The following CEP128 variants were observed in gnomAD, a reference collection of about 807,000 sequenced individuals.
CEP128 encodes the protein centrosomal protein 128.
Under a neutral mutation model 156.7 loss-of-function variants are expected in CEP128, and 132 were observed. That is an observed-to-expected ratio of 0.84 (90% CI 0.73 to 0.97). The LOEUF (loss-of-function observed/expected upper bound fraction) is 0.97, where lower values mean the gene tolerates loss of function less well. Ranked by LOEUF, CEP128 falls within the 50% of genes least tolerant of loss-of-function variation. The probability of loss-of-function intolerance (pLI) is 0.00; values close to 1 mark genes in which losing one functional copy is unlikely to be tolerated. For missense variants in CEP128, 1,252 were observed against 1,281.9 expected, an observed-to-expected ratio of 0.98 and a Z score of 0.36; for synonymous variants, 469 against 448.9, an observed-to-expected ratio of 1.04 and a Z score of -0.57.
At chr14:80,501,009 A>G (rs944369659) in intron 24 of CEP128, among the ~76,000 whole-genome samples, 25 of 149,058 alleles carry the variant, frequency 1.7e-4, no homozygotes, top group African/African-American at 6.1e-4. Flanking sequence ...GCTCAGTTAG[A>G]TCTGCCATAT....
chr14:80,942,895 T>G (rs1886226431), upstream of CEP128, among the ~76,000 whole-genome samples: 1 of 152,172 alleles, frequency 6.6e-6, no homozygotes. Context: ...AGTCGTATTA[T>G]TCAAATTTTT....
At position 80,647,088 on chromosome 14, in the gene CEP128, C is replaced by T. The variant is rs867296120; in HGVS notation, c.2807-66665G>A. On this transcript the variant is annotated intron_variant, in intron 19 of 24. Transcript: ENST00000555265. ...ATATATATATATATATATATATATA[C>T]ACCCTTATAAATACACATACACACA... Among the ~76,000 whole-genome samples the T allele has an allele frequency of 3.1e-4, 30 of 98,208 alleles. 1 individual carries two copies. The highest frequency in any genetic ancestry group is 0.011 in the Middle Eastern group (2 of 180). 64.4% of individuals were successfully genotyped at this position (98,208 alleles called of 152,430 possible). A position where few individuals can be genotyped will look rare whatever the true frequency, so the allele number is the denominator to read the frequency against.
Position 80,567,939 on chromosome 14 carries a change from T to C in CEP128, c.2857-8637A>G. On this transcript the variant is annotated intron_variant, in intron 20 of 24. Transcript: ENST00000555265. ...AGCACACCATATATTTTTCAAGGAT[T>C]TACATTTAAAAAAAAAAAAGTACAC... 1.3e-5 allele frequency among the ~76,000 whole-genome samples: 2 copies of C among 151,170 alleles called. 1 individual carries two copies. The highest frequency in any genetic ancestry group is 1.3e-4 in the Admixed American group (2 of 15,180).
rs1004313134 is a variant in CEP128, at chr14:80,562,162, G to A, written c.2857-2860C>T. ...AGGATGGTCTCGATCTCCTGACCTC[G>A]TGATCCACCCGTCTCAGCCTCCCAA... On this transcript the variant is annotated intron_variant, in intron 20 of 24. Transcript: ENST00000555265. Among the ~76,000 whole-genome samples, 6 of 151,848 alleles carry A rather than the reference G, an allele frequency of 4.0e-5. No homozygotes were observed. The South Asian group carries it at 1.0e-3, about 26-fold the overall frequency.
intron 8 of CEP128, among the ~76,000 whole-genome samples, chr14:80,869,976 T>C (rs1887947867): frequency 6.6e-6 from 1 of 152,020 alleles, no homozygotes; most frequent in African/African-American, 2.4e-5. Context: ...AACAATTTTA[T>C]GCCAACAAAT....
intron 23 of CEP128, among the ~76,000 whole-genome samples, chr14:80,522,267 TG>T (rs1888778850): frequency 6.6e-6 from 1 of 152,214 alleles, no homozygotes; most frequent in African/African-American, 2.4e-5. Context: ...ATAGCTGACT[TG>T]AACAGCCATT....
chr14:80,521,345 G>C (rs955896916), intron 23 of CEP128, among the ~76,000 whole-genome samples: 6 of 152,042 alleles, frequency 3.9e-5, no homozygotes, highest in Admixed American at 6.6e-5. Flanking sequence ...ATTTGGAAGG[G>C]TAAAAGCATG....
At chr14:80,508,224 A>G (rs1888077036) in intron 23 of CEP128, among the ~76,000 whole-genome samples, 1 of 152,194 alleles carries the variant, frequency 6.6e-6, no homozygotes. Flanking sequence ...CCTAATTTAA[A>G]TTTTTAATGA....
At chr14:80,525,604 T>A (rs1256511377) in intron 23 of CEP128, among the ~76,000 whole-genome samples, 1 of 152,122 alleles carries the variant, frequency 6.6e-6, no homozygotes, top group Non-Finnish European at 1.5e-5. Context: ...ACTGGGAATG[T>A]TGGAAGATGA....
chr14:80,756,946 A>G lies in CEP128; in HGVS notation c.2559T>C (p.Phe853=). ...SKDSVEKLKV[F]SSGPDIHYDP... ...CATAATGTATATCAGGACCAGATGA[A>G]AAAACCTACAAAAGAGAAAACAGTC... The change falls in exon 18 of 25, where the codon TTT becomes TTC. Residue 853 remains phenylalanine, a synonymous_variant. Coordinates refer to ENST00000555265, the MANE Select transcript of CEP128 (RefSeq NM_152446.5). 1 of 1,589,230 alleles carries G rather than the reference A, an allele frequency of 6.3e-7. No homozygotes were observed. Among genetic ancestry groups the G allele is most frequent in the East Asian group, 2.2e-5 (1 of 44,624 alleles).
rs142816935 is a variant in CEP128, at chr14:80,749,222, G to A, written c.2614-5955C>T. Reference sequence around the variant, plus strand: ...AACCCAAGCACTTCGGAGAACATATGGAGGTTTCTCAAAAAACTAAAAATA... The same window carrying A: ...AACCCAAGCACTTCGGAGAACATATAGAGGTTTCTCAAAAAACTAAAAATA... On this transcript the variant is annotated intron_variant, in intron 18 of 24. Transcript: ENST00000555265. Among the ~76,000 whole-genome samples, 693 of 152,246 alleles carry A rather than the reference G, an allele frequency of 4.6e-3. 4 individuals carry two copies. The highest frequency in any genetic ancestry group is 0.016 in the African/African-American group (661 of 41,542).
At chr14:80,558,920 AAAT>A (rs1306740816) in intron 21 of CEP128, among the ~76,000 whole-genome samples, 1 of 152,338 alleles carries the variant, frequency 6.6e-6, no homozygotes. Flanking sequence ...TTGAAAGAAT[AAAT>A]AGCAAACTGA....
At chr14:80,511,662 T>C (rs890908041) in intron 23 of CEP128, among the ~76,000 whole-genome samples, 6 of 152,028 alleles carry the variant, frequency 3.9e-5, no homozygotes, top group Non-Finnish European at 8.8e-5. Context: ...TGCTTTCTGT[T>C]TCTTTAAGAT....
At chr14:80,884,718 C>CA (rs1324196340) in intron 8 of CEP128, among the ~76,000 whole-genome samples, 1 of 152,160 alleles carries the variant, frequency 6.6e-6, no homozygotes, top group Non-Finnish European at 1.5e-5. Flanking sequence ...GTTTCAAGCA[C>CA]AAAACTGGGC....
intron 4 of CEP128, among the ~76,000 whole-genome samples, chr14:80,907,302 C>G (rs1883941241): frequency 6.6e-6 from 1 of 152,114 alleles, no homozygotes; most frequent in Non-Finnish European, 1.5e-5. Flanking sequence ...CCACACCCCT[C>G]TGTCTCCTCC....
At chr14:80,685,658 C>G (rs1896496686) in intron 19 of CEP128, among the ~76,000 whole-genome samples, 1 of 152,006 alleles carries the variant, frequency 6.6e-6, no homozygotes, top group Non-Finnish European at 1.5e-5. Flanking sequence ...CAAAAATAAT[C>G]CTAAGCAAAA....
chr14:80,569,987 C>G (rs987342881), intron 20 of CEP128, among the ~76,000 whole-genome samples: 2 of 152,160 alleles, frequency 1.3e-5, no homozygotes, highest in Admixed American at 6.5e-5. Flanking sequence ...ATTTTAAGAA[C>G]AAAAGGGACA....
At chr14:80,935,284 C>T (rs1885717150) in intron 2 of CEP128, among the ~76,000 whole-genome samples, 1 of 152,148 alleles carries the variant, frequency 6.6e-6, no homozygotes, top group Non-Finnish European at 1.5e-5. Flanking sequence ...GGCACAGTGG[C>T]TCATGCCTAT....
At chr14:80,598,486 T>C (rs1219310323) in intron 19 of CEP128, among the ~76,000 whole-genome samples, 2 of 152,060 alleles carry the variant, frequency 1.3e-5, no homozygotes, top group African/African-American at 4.8e-5. Context: ...ATAAACAAAT[T>C]ATAAGACGTA....
Sources: allele counts gnomAD v4.1 joint callset (sites outside exome capture counted in the v4.1 genomes callset), GRCh38; gene constraint gnomAD v4.1.1; transcripts MANE v1.5; gene names NCBI Gene and HGNC (gene_info 2026-07-23, HGNC 2026-07-21).